Variants in ADGRB3 observed in about 807,000 individuals in gnomAD.
ADGRB3 encodes adhesion G protein-coupled receptor B3.
Under a neutral mutation model 193.4 loss-of-function variants are expected in ADGRB3, and 37 were observed. The observed-to-expected ratio is 0.19, with a 90% CI of 0.15 to 0.25. ADGRB3 has a LOEUF of 0.25. Ranked by LOEUF, ADGRB3 falls within the 10% of genes least tolerant of loss-of-function variation. The pLI, the probability that ADGRB3 is intolerant of heterozygous loss-of-function variation, is 1.00. For missense variants in ADGRB3, 1,637 were observed against 1,852.9 expected, an observed-to-expected ratio of 0.88 and a Z score of 2.14; for synonymous variants, 690 against 644.2, an observed-to-expected ratio of 1.07 and a Z score of -1.08.
rs745810870 is a variant in ADGRB3, at chr6:69,248,556, TG to T, written c.2814+9331del. Among the ~76,000 whole-genome samples, 19 of 152,364 alleles carry T rather than the reference TG, an allele frequency of 1.2e-4. No individual in the cohort carries two copies. The East Asian group carries it at 3.1e-3, about 25-fold the overall frequency. On this transcript the variant is annotated intron_variant, in intron 20 of 31. Coordinates refer to ENST00000370598, the MANE Select transcript of ADGRB3 (RefSeq NM_001704.3). ...TGTAGGAGAGAACTCCTTTGACAAATGCTCCATAATGTAATTCAGAGGTTGG... is the reference window on the plus strand; with the variant it reads ...TGTAGGAGAGAACTCCTTTGACAAATCTCCATAATGTAATTCAGAGGTTGG...
intron 3 of ADGRB3, among the ~76,000 whole-genome samples, chr6:68,712,955 A>T (rs1290050976): frequency 6.6e-6 from 1 of 151,876 alleles, no homozygotes; most frequent in African/African-American, 2.4e-5. Context: ...GATTTTGGTC[A>T]ATTTAGTAGA....
intron 20 of ADGRB3, among the ~76,000 whole-genome samples, chr6:69,252,032 A>G (rs1337304580): frequency 6.6e-6 from 1 of 152,144 alleles, no homozygotes; most frequent in East Asian, 1.9e-4. Context: ...TCATCACCCT[A>G]GAAAGTTCTC....
At chr6:69,384,560 G>C (rs1770020287) in intron 31 of ADGRB3, among the ~76,000 whole-genome samples, 1 of 152,046 alleles carries the variant, frequency 6.6e-6, no homozygotes. Context: ...TAATATGATT[G>C]TAATTTCCCC....
chr6:68,835,156 G>C (rs1000315668), intron 3 of ADGRB3, among the ~76,000 whole-genome samples: 2 of 152,092 alleles, frequency 1.3e-5, no homozygotes, highest in Non-Finnish European at 2.9e-5. Flanking sequence ...AGATATGTTT[G>C]GGTGTTATGT....
intron 3 of ADGRB3, among the ~76,000 whole-genome samples, chr6:68,835,074 G>A (rs192766316): frequency 6.6e-6 from 1 of 152,156 alleles, no homozygotes; most frequent in African/African-American, 2.4e-5. Context: ...GTAGGAGAAA[G>A]TTTTTTTGTC....
At chr6:68,708,675 A>G (rs1765363863) in intron 3 of ADGRB3, among the ~76,000 whole-genome samples, 1 of 152,228 alleles carries the variant, frequency 6.6e-6, no homozygotes, top group Admixed American at 6.5e-5. Context: ...AATATTGTTT[A>G]AAAATGTTTT....
chr6:68,904,188 G>A (rs1339354651), intron 3 of ADGRB3, among the ~76,000 whole-genome samples: 2 of 151,838 alleles, frequency 1.3e-5, no homozygotes, highest in Admixed American at 1.3e-4. Context: ...ATTTGTAAAG[G>A]CTATAAACTT....
intron 3 of ADGRB3, among the ~76,000 whole-genome samples, chr6:68,724,724 C>T (rs1451297101): frequency 6.6e-6 from 1 of 150,896 alleles, no homozygotes; most frequent in African/African-American, 2.4e-5. Flanking sequence ...GAGACCTTCC[C>T]ATTCTTTTCT....
chr6:69,150,467 G>A (rs1774641635), intron 17 of ADGRB3, among the ~76,000 whole-genome samples: 2 of 152,100 alleles, frequency 1.3e-5, no homozygotes, highest in South Asian at 4.1e-4. Context: ...GTCAGCTTGT[G>A]GTGTATGCTT....
At chr6:68,982,614 G>A (rs1202871550) in intron 10 of ADGRB3, among the ~76,000 whole-genome samples, 1 of 152,034 alleles carries the variant, frequency 6.6e-6, no homozygotes, top group African/African-American at 2.4e-5. Context: ...GCTTAACACT[G>A]GACTCTTCCC....
At chr6:69,314,858 T>A (rs1318304935) in intron 20 of ADGRB3, among the ~76,000 whole-genome samples, 1 of 151,614 alleles carries the variant, frequency 6.6e-6, no homozygotes, top group Non-Finnish European at 1.5e-5. Context: ...TTTAATTTTA[T>A]GAAATGAACC....
At chr6:68,992,428 G>A (rs979432346) in intron 10 of ADGRB3, among the ~76,000 whole-genome samples, 34 of 152,080 alleles carry the variant, frequency 2.2e-4, no homozygotes, top group South Asian at 8.3e-4. Flanking sequence ...GGCCAGTGCC[G>A]TGTCTCTTTC....
At position 69,210,853 on chromosome 6, in the gene ADGRB3, C is replaced by G. The variant is rs375929943; in HGVS notation, c.2481-22437C>G. On this transcript the variant is annotated intron_variant, in intron 17 of 31. Coordinates refer to ENST00000370598, the MANE Select transcript of ADGRB3 (RefSeq NM_001704.3). Reference sequence around the variant, plus strand: ...CAGAACGGCCAGGCATGGTGGCTCACGCCTGTAATCCCAGCACTTTGGGAG... The same window carrying G: ...CAGAACGGCCAGGCATGGTGGCTCAGGCCTGTAATCCCAGCACTTTGGGAG... 2.0e-5 allele frequency among the ~76,000 whole-genome samples: 3 copies of G among 152,048 alleles called. No homozygotes were observed. In the South Asian group the frequency reaches 6.2e-4, roughly 32 times the overall value.
chr6:69,209,658 A>G (rs1252416996), intron 17 of ADGRB3, among the ~76,000 whole-genome samples: 1 of 152,238 alleles, frequency 6.6e-6, no homozygotes, highest in Non-Finnish European at 1.5e-5. Flanking sequence ...GTAAAGGAGT[A>G]TTGCTGGCCT....
At chr6:68,666,042 G>A (rs1768791578) in intron 3 of ADGRB3, among the ~76,000 whole-genome samples, 2 of 151,716 alleles carry the variant, frequency 1.3e-5, no homozygotes, top group Non-Finnish European at 2.9e-5. Context: ...ATATTCATGG[G>A]ATTTATTTAC....
intron 3 of ADGRB3, among the ~76,000 whole-genome samples, chr6:68,703,617 G>T (rs1765278519): frequency 6.6e-6 from 1 of 151,818 alleles, no homozygotes; most frequent in Non-Finnish European, 1.5e-5. Flanking sequence ...CATTCATTAA[G>T]ATTTTTTTTG....
chr6:69,161,809 C>T (rs1351973894), intron 17 of ADGRB3, among the ~76,000 whole-genome samples: 1 of 152,044 alleles, frequency 6.6e-6, no homozygotes, highest in Non-Finnish European at 1.5e-5. Context: ...TATTTACTGG[C>T]TGTTAACTGA....
rs551519186 is a variant in ADGRB3 at position 68,854,705 on chromosome 6, G to T, written c.758-75854G>T. On this transcript the variant is annotated intron_variant, in intron 3 of 31. Coordinates refer to ENST00000370598, the MANE Select transcript of ADGRB3 (RefSeq NM_001704.3). ...TACAGATTTAGTGTCTGAACTTCTAGATCTTATCCACTGAATACCTCACTC... is the reference window on the plus strand; with the variant it reads ...TACAGATTTAGTGTCTGAACTTCTATATCTTATCCACTGAATACCTCACTC... 2.0e-5 allele frequency among the ~76,000 whole-genome samples: 3 copies of T among 152,178 alleles called. No homozygotes were observed. In the East Asian group the frequency reaches 5.8e-4, roughly 30 times the overall value.
intron 17 of ADGRB3, among the ~76,000 whole-genome samples, chr6:69,080,818 G>A (rs964709150): frequency 3.3e-5 from 5 of 152,112 alleles, no homozygotes; most frequent in African/African-American, 9.6e-5. Flanking sequence ...AGGTTGGTCT[G>A]TTTAGTACAT....
Sources: gnomAD v4.1 joint callset for allele counts (sites outside exome capture counted in the v4.1 genomes callset) on GRCh38, gnomAD v4.1.1 for gene constraint, MANE v1.5 for transcripts, NCBI Gene and HGNC (gene_info 2026-07-23, HGNC 2026-07-21) for gene names.